SLC36A1: variants seen among roughly 807,000 people sequenced by gnomAD.
SLC36A1 encodes the protein solute carrier family 36 member 1, also known as proton-coupled amino acid transporter 1.
A neutral mutation model predicts 47.5 loss-of-function variants in SLC36A1; 30 were observed. The observed-to-expected ratio is 0.63, with a 90% CI of 0.47 to 0.86. The LOEUF is 0.86. SLC36A1 is among the 40% of genes least tolerant of loss of function. The pLI, the probability that SLC36A1 is intolerant of heterozygous loss-of-function variation, is 0.00. For synonymous variants in SLC36A1, 255 were observed against 249.7 expected (o/e 1.02, Z -0.20); for missense variants, 517 against 606.0 (o/e 0.85, Z 1.54).
chr5:151,545,034 C>T, the SLC36A1 span: 14 of 1,614,180 alleles, frequency 8.7e-6, no homozygotes, highest in Admixed American at 3.3e-5. Context: ...TGTCCTGCTG[C>T]TCCCGGTCAA....
the SLC36A1 span, chr5:151,528,042 G>C: frequency 3.1e-6 from 5 of 1,614,178 alleles, no homozygotes; most frequent in Non-Finnish European, 4.2e-6. Context: ...CCCCTTTTTG[G>C]GGTGAATGGT....
chr5:151,493,511 G>A (rs1289421880), downstream of SLC36A1, among the ~76,000 whole-genome samples: 1 of 152,192 alleles, frequency 6.6e-6, no homozygotes, highest in African/African-American at 2.4e-5. Flanking sequence ...ATTTGCTAGA[G>A]TAGCTCATAG....
At chr5:151,515,585 C>G in the SLC36A1 span, among the ~76,000 whole-genome samples, 4 of 152,354 alleles carry the variant, frequency 2.6e-5, no homozygotes, top group African/African-American at 9.6e-5. Context: ...CTGGCACAAA[C>G]TCCATTCTTC....
chr5:151,552,251 G>T, the SLC36A1 span, among the ~76,000 whole-genome samples: 2 of 152,106 alleles, frequency 1.3e-5, no homozygotes, highest in African/African-American at 4.8e-5. Context: ...CTCTCAAGCA[G>T]CTGGGATTAC....
At chr5:151,452,336 T>C (rs1279712373) in intron 1 of SLC36A1, 1 of 152,244 alleles carries the variant, frequency 6.6e-6, no homozygotes, top group Non-Finnish European at 1.5e-5. Flanking sequence ...TTTGTTCATG[T>C]TTTTAGAATT....
At chr5:151,470,283 C>T (rs960456992) in intron 7 of SLC36A1, among the ~76,000 whole-genome samples, 2 of 152,216 alleles carry the variant, frequency 1.3e-5, no homozygotes, top group South Asian at 2.1e-4. Flanking sequence ...GACAGACACA[C>T]CTGCTGCATT....
the SLC36A1 span, chr5:151,521,153 C>T: frequency 2.1e-6 from 2 of 958,732 alleles, no homozygotes; most frequent in Admixed American, 2.9e-5. Flanking sequence ...TGATTGGTGG[C>T]CTTTGGGCTT....
the SLC36A1 span, among the ~76,000 whole-genome samples, chr5:151,390,630 G>C: frequency 0.019 from 2,942 of 152,276 alleles, 99 homozygotes; most frequent in African/African-American, 0.067. Context: ...CATATGGCTA[G>C]CCAGTTTTCC....
chr5:151,473,209 G>GATAA (rs1702114881), intron 7 of SLC36A1, among the ~76,000 whole-genome samples: 1 of 151,288 alleles, frequency 6.6e-6, no homozygotes, highest in Non-Finnish European at 1.5e-5. Flanking sequence ...TAGATAGATA[G>GATAA]ATAGATAGAT....
chr5:151,508,930 G>A, the SLC36A1 span, among the ~76,000 whole-genome samples: 3 of 152,142 alleles, frequency 2.0e-5, no homozygotes, highest in African/African-American at 7.2e-5. Flanking sequence ...GTCTAGGCTG[G>A]ATCTTGGAAT....
the SLC36A1 span, among the ~76,000 whole-genome samples, chr5:151,406,870 G>C: frequency 6.6e-6 from 1 of 152,110 alleles, no homozygotes; most frequent in African/African-American, 2.4e-5. Flanking sequence ...CCCTCGCGGT[G>C]AGTGTTACAG....
chr5:151,471,033 A>T (rs1757244833), intron 7 of SLC36A1: 1 of 152,230 alleles, frequency 6.6e-6, no homozygotes, highest in Non-Finnish European at 1.5e-5. Context: ...CTCACAATCC[A>T]TGTGTACCTT....
chr5:151,347,191 C>T, the SLC36A1 span: 5 of 1,403,346 alleles, frequency 3.6e-6, no homozygotes, highest in Non-Finnish European at 5.0e-6. Flanking sequence ...CTTGGTTTCT[C>T]ATCTGCACAG....
At chr5:151,494,815 C>T (rs79534731), downstream of SLC36A1, among the ~76,000 whole-genome samples, 307 of 152,272 alleles carry the variant, frequency 2.0e-3, 4 homozygotes, top group African/African-American at 7.2e-3. Flanking sequence ...CTTTAAAACT[C>T]ACTTCTAACT....
chr5:151,365,890 T>A, the SLC36A1 span, among the ~76,000 whole-genome samples: 1 of 152,146 alleles, frequency 6.6e-6, no homozygotes, highest in Non-Finnish European at 1.5e-5. Context: ...TGGTGGTGCC[T>A]CCTGGTGGTA....
rs1007836542 is a variant in SLC36A1, at chr5:151,488,068, C to G, written c.1245C>G (p.Ile415Met). 9.3e-6 allele frequency: 15 copies of G among 1,614,034 alleles called. No individual in the cohort carries two copies. The highest frequency in any genetic ancestry group is 1.2e-5 in the Non-Finnish European group (14 of 1,180,028). The change falls in exon 11 of 11, where the codon ATC (isoleucine) becomes ATG (methionine). Residue 415 changes from isoleucine to methionine, a missense_variant. Ile to Met is a conservative substitution (Grantham distance 10). Coordinates refer to ENST00000243389, the MANE Select transcript of SLC36A1 (RefSeq NM_078483.4). ...GCAGCAGCGCCCTGGCCCTCATCAT[C>G]CCACCGCTCCTGGAGGTCACCACCT... ...SVSSSALALIIPPLLEVTTFY... is the reference protein window; with the variant it reads ...SVSSSALALIMPPLLEVTTFY...
chr5:151,467,304 GAAAA>G (rs373057431), intron 6 of SLC36A1, 21 bp downstream of exon 6: 10 of 810,574 alleles, frequency 1.2e-5, no homozygotes, highest in Admixed American at 9.5e-5. Context: ...GGTTAAAAAA[GAAAA>G]AAAAAAAAAA....
At chr5:151,525,965 C>T in the SLC36A1 span, 6 of 1,613,938 alleles carry the variant, frequency 3.7e-6, no homozygotes, top group Non-Finnish European at 5.1e-6. Context: ...GGGGAGTTCT[C>T]CTGAGACCGA....
At chr5:151,403,585 T>C in the SLC36A1 span, among the ~76,000 whole-genome samples, 1 of 152,182 alleles carries the variant, frequency 6.6e-6, no homozygotes, top group African/African-American at 2.4e-5. Flanking sequence ...ATGTACAGCC[T>C]GCAGAACCAT....
Sources: gnomAD v4.1 joint callset for allele counts (sites outside exome capture counted in the v4.1 genomes callset) on GRCh38, gnomAD v4.1.1 for gene constraint, MANE v1.5 for transcripts, NCBI Gene and HGNC (gene_info 2026-07-23, HGNC 2026-07-21) for gene names.